Variants in OPCML observed in about 807,000 individuals in gnomAD.
OPCML encodes the protein opioid binding protein/cell adhesion molecule like.
In OPCML, 13 loss-of-function variants were observed where a neutral mutation model predicts 37.8. The observed-to-expected ratio is 0.34, with a 90% CI of 0.22 to 0.55. The LOEUF is 0.55. Among genes scored for constraint, OPCML ranks in the 20% least tolerant of loss-of-function variants. OPCML has a pLI of 0.91. For synonymous variants in OPCML, 176 were observed against 168.8 expected (o/e 1.04, Z -0.33); for missense variants, 341 against 435.6 (o/e 0.78, Z 1.93).
chr11:133,246,353 G>T (rs1940926162), intron 1 of OPCML, among the ~76,000 whole-genome samples: 1 of 152,232 alleles, frequency 6.6e-6, no homozygotes, highest in Non-Finnish European at 1.5e-5. Context: ...AACCATTAAA[G>T]CAGAAGTAGA....
chr11:132,541,483 G>A (rs2096356355), intron 3 of OPCML, among the ~76,000 whole-genome samples: 1 of 151,428 alleles, frequency 6.6e-6, no homozygotes, highest in Non-Finnish European at 1.5e-5. Context: ...CATAGTAAAT[G>A]CCAATGTTAT....
intron 2 of OPCML, among the ~76,000 whole-genome samples, chr11:132,718,215 C>G (rs1395231286): frequency 6.6e-6 from 1 of 152,184 alleles, no homozygotes; most frequent in Non-Finnish European, 1.5e-5. Flanking sequence ...AGGAGATTCT[C>G]CTCGAGCTCA....
intron 1 of OPCML, among the ~76,000 whole-genome samples, chr11:133,252,726 T>G (rs552010231): frequency 2.0e-5 from 3 of 152,352 alleles, no homozygotes; most frequent in Non-Finnish European, 2.9e-5. Context: ...GGCTTTTTTT[T>G]CTTTTTTTCC....
At chr11:133,035,474 A>G (rs4369418) in intron 1 of OPCML, among the ~76,000 whole-genome samples, 98,963 of 152,002 alleles carry the variant, frequency 0.65, 32,835 homozygotes, top group East Asian at 0.81. Context: ...GGCTAGTGGT[A>G]AGGAGTCAGG....
intron 4 of OPCML, among the ~76,000 whole-genome samples, chr11:132,518,234 C>T (rs2096284490): frequency 6.6e-6 from 1 of 152,084 alleles, no homozygotes; most frequent in Non-Finnish European, 1.5e-5. Flanking sequence ...CCATTGCCCC[C>T]ACCCCCGACA....
At chr11:133,460,874 C>G (rs1160138677) in intron 1 of OPCML, among the ~76,000 whole-genome samples, 1 of 151,770 alleles carries the variant, frequency 6.6e-6, no homozygotes, top group African/African-American at 2.4e-5. Context: ...AAGGGTTATA[C>G]ACTGTGACAA....
chr11:133,368,108 G>A (rs540986019), intron 1 of OPCML, among the ~76,000 whole-genome samples: 1 of 152,156 alleles, frequency 6.6e-6, no homozygotes, highest in African/African-American at 2.4e-5. Flanking sequence ...GTTGCTGCAG[G>A]TAGGGAAGCA....
rs1941751993 is a variant in OPCML, at chr11:132,850,400, T to G, written c.146+92526A>C. Among the ~76,000 whole-genome samples the G allele has an allele frequency of 2.6e-5, 4 of 152,172 alleles. No individual in the cohort carries two copies. In the South Asian group the frequency reaches 8.3e-4, roughly 32 times the overall value. On this transcript the variant is annotated intron_variant, in intron 2 of 7. Transcript: ENST00000524381. ...CAGCATCAAATTAGTGCTGGTAGATTTCTCAAACTTGGAACACGTTAAAAC... is the reference window on the plus strand; with the variant it reads ...CAGCATCAAATTAGTGCTGGTAGATGTCTCAAACTTGGAACACGTTAAAAC...
chr11:133,275,843 A>T (rs1941978526), intron 1 of OPCML, among the ~76,000 whole-genome samples: 1 of 152,092 alleles, frequency 6.6e-6, no homozygotes, highest in Non-Finnish European at 1.5e-5. Context: ...TCCTTCCTTG[A>T]CTCAAACCTG....
intron 3 of OPCML, among the ~76,000 whole-genome samples, chr11:132,589,914 TG>T (rs147685246): frequency 3.8e-3 from 580 of 152,362 alleles, no homozygotes; most frequent in African/African-American, 0.013. Context: ...ATGCTGTTTC[TG>T]TAGCTTATTC....
chr11:132,530,461 C>T (rs1011522710), intron 3 of OPCML, among the ~76,000 whole-genome samples: 10 of 151,976 alleles, frequency 6.6e-5, no homozygotes, highest in Admixed American at 1.3e-4. Context: ...TTTTGGGGTC[C>T]CTCCAATCTA....
intron 2 of OPCML, among the ~76,000 whole-genome samples, chr11:132,914,395 A>G (rs1250218436): frequency 2.0e-5 from 3 of 152,248 alleles, no homozygotes; most frequent in Non-Finnish European, 4.4e-5. Context: ...TCTTGTGACC[A>G]TACATTTTCT....
intron 1 of OPCML, among the ~76,000 whole-genome samples, chr11:133,463,928 C>T (rs950008924): frequency 5.9e-5 from 9 of 152,274 alleles, no homozygotes; most frequent in African/African-American, 1.9e-4. Context: ...ACATCTTCAT[C>T]GGCATCTCCA....
intron 3 of OPCML, among the ~76,000 whole-genome samples, chr11:132,597,583 G>C (rs878944678): frequency 2.6e-5 from 4 of 152,160 alleles, no homozygotes; most frequent in Admixed American, 2.6e-4. Context: ...ACAATTGACA[G>C]TGACTACTGA....
chr11:133,262,598 A>T (rs1209953487), intron 1 of OPCML, among the ~76,000 whole-genome samples: 1 of 152,196 alleles, frequency 6.6e-6, no homozygotes, highest in Non-Finnish European at 1.5e-5. Context: ...CACCTGCATC[A>T]ATGGCCAGAC....
chr11:133,034,213 C>A (rs1306581462), intron 1 of OPCML, among the ~76,000 whole-genome samples: 2 of 151,934 alleles, frequency 1.3e-5, no homozygotes, highest in African/African-American at 2.4e-5. Context: ...TAAGTTTGTA[C>A]TTCTCTATGG....
chr11:132,843,364 G>T (rs527355687), intron 2 of OPCML, among the ~76,000 whole-genome samples: 93 of 152,130 alleles, frequency 6.1e-4, no homozygotes, highest in African/African-American at 2.2e-3. Context: ...CTCCCAAAGT[G>T]CTGGGATTTA....
intron 1 of OPCML, among the ~76,000 whole-genome samples, chr11:133,141,760 T>C (rs1260013315): frequency 1.3e-5 from 2 of 152,188 alleles, no homozygotes; most frequent in African/African-American, 2.4e-5. Context: ...CCCACTCAAA[T>C]GTTTCCCCCT....
At chr11:132,520,674 A>ATATATATGTGTG (rs10630619) in intron 4 of OPCML, among the ~76,000 whole-genome samples, 3,598 of 127,944 alleles carry the variant, frequency 0.028, 55 homozygotes, top group Middle Eastern at 0.058. Context: ...CTAAATATAT[A>ATATATATGTGTG]TGTGTGTGTG....
Sources: allele counts gnomAD v4.1 joint callset (sites outside exome capture counted in the v4.1 genomes callset), GRCh38; gene constraint gnomAD v4.1.1; transcripts MANE v1.5; gene names NCBI Gene and HGNC (gene_info 2026-07-23, HGNC 2026-07-21).